TUBGCP5: variants seen among roughly 807,000 people sequenced by gnomAD.
TUBGCP5 encodes the protein gamma-tubulin complex component 5.
Under a neutral mutation model 134.7 loss-of-function variants are expected in TUBGCP5, and 98 were observed. The observed-to-expected ratio is 0.73, with a 90% CI of 0.62 to 0.86. The LOEUF is 0.86. TUBGCP5 is among the 40% of genes least tolerant of loss of function. The pLI, the probability that TUBGCP5 is intolerant of heterozygous loss-of-function variation, is 0.00. For synonymous variants in TUBGCP5, 456 were observed against 431.4 expected (o/e 1.06, Z -0.71); for missense variants, 1,150 against 1,244.8 (o/e 0.92, Z 1.15).
intron 19 of TUBGCP5, 121 bp from the exon 20 acceptor site, chr15:23,004,348 C>G: frequency 8.4e-7 from 1 of 1,183,658 alleles, no homozygotes; most frequent in South Asian, 1.5e-5. Flanking sequence ...ATAAGCACAT[C>G]TAGACAGTTT....
At chr15:23,031,824 G>T in intron 5 of TUBGCP5, 126 bp downstream of exon 5, 1 of 564,604 alleles carries the variant, frequency 1.8e-6, no homozygotes, top group South Asian at 3.8e-5. Context: ...CATAATAAAT[G>T]ACTCTAGCTT....
rs74686181 is a variant in TUBGCP5, at chr15:23,025,922, T to C, written c.827+194A>G. On this transcript the variant is annotated intron_variant, in intron 8 of 22. Coordinates refer to ENST00000615383, the MANE Select transcript of TUBGCP5 (RefSeq NM_052903.6). ...TAACCTAAGTAAATCATATGCTAAA[T>C]TATTTAAAATGAAAATGAAGTAATT... 1.9e-4 allele frequency among the ~76,000 whole-genome samples: 29 copies of C among 152,268 alleles called. No homozygotes were observed. In the East Asian group the frequency reaches 5.2e-3, roughly 27 times the overall value.
At chr15:22,990,412 G>A (rs551633638) in intron 23 of TUBGCP5, among the ~76,000 whole-genome samples, 58 of 152,310 alleles carry the variant, frequency 3.8e-4, no homozygotes, top group Middle Eastern at 3.4e-3. Flanking sequence ...AACTGGTCAC[G>A]TGCATTTGGG....
At chr15:23,039,091 C>A (rs2066763363) in intron 1 of TUBGCP5, among the ~76,000 whole-genome samples, 1 of 152,048 alleles carries the variant, frequency 6.6e-6, no homozygotes, top group East Asian at 1.9e-4. Flanking sequence ...GCCTGGAGTC[C>A]CGCCTGGGCC....
chr15:23,014,302 G>A lies in TUBGCP5; in HGVS notation c.1757-2971C>T, dbSNP rs185322687. On this transcript the variant is annotated intron_variant, in intron 13 of 22. Coordinates refer to ENST00000615383, the MANE Select transcript of TUBGCP5 (RefSeq NM_052903.6). The stretch of plus-strand genomic sequence containing the variant: ...AACAGTTTCAGAGGCTGCCCTGGCA[G>A]GCATGTACCTAGGCTTCTTGAGCGG... Among the ~76,000 whole-genome samples the A allele has an allele frequency of 8.5e-5, 13 of 152,328 alleles. No homozygotes were observed. In the East Asian group the frequency reaches 1.9e-3, roughly 23 times the overall value.
chr15:22,990,646 T>G (rs1484308445), intron 23 of TUBGCP5, among the ~76,000 whole-genome samples: 1 of 152,188 alleles, frequency 6.6e-6, no homozygotes, highest in Non-Finnish European at 1.5e-5. Flanking sequence ...AGAACTGTAA[T>G]AAATTTCTCC....
At chr15:23,031,158 T>A in intron 5 of TUBGCP5, 138 bp from the exon 6 acceptor site, 1 of 797,070 alleles carries the variant, frequency 1.3e-6, no homozygotes. Context: ...TTTTTTTTCC[T>A]AAATCTCTTG....
At position 23,003,260 on chromosome 15, in the gene TUBGCP5, T is replaced by G. The variant is rs528520972; in HGVS notation, c.2839-107A>C. On this transcript the variant is annotated intron_variant, in intron 20 of 22. Transcript: ENST00000615383. ...TCACAGAAAAAGTTCATCACCACAG[T>G]GACTGCCTTCTGTGTATATGGAAGG... 21 of 1,087,054 alleles carry G rather than the reference T, an allele frequency of 1.9e-5. No homozygotes were observed. In the African/African-American group the frequency reaches 3.1e-4, roughly 16 times the overall value. 67.3% of individuals were successfully genotyped at this position (1,087,054 alleles called of 1,614,324 possible).
intron 23 of TUBGCP5, among the ~76,000 whole-genome samples, chr15:22,989,023 A>G (rs1361089420): frequency 6.6e-6 from 1 of 152,004 alleles, no homozygotes; most frequent in South Asian, 2.1e-4. Flanking sequence ...CTCTGCCCTC[A>G]GGCTGCCCTG....
At chr15:23,034,670 C>A (rs574289144) in intron 3 of TUBGCP5, among the ~76,000 whole-genome samples, 192 of 151,994 alleles carry the variant, frequency 1.3e-3, no homozygotes, top group Non-Finnish European at 2.2e-3. Flanking sequence ...ACTACCCTGG[C>A]CAACATGGCG....
intron 11 of TUBGCP5, among the ~76,000 whole-genome samples, chr15:23,019,627 T>G (rs2065549157): frequency 6.6e-6 from 1 of 151,260 alleles, no homozygotes; most frequent in African/African-American, 2.4e-5. Flanking sequence ...TGAAACCCCC[T>G]CTCTACTAAA....
At chr15:23,027,994 A>G (rs185882016) in intron 6 of TUBGCP5, among the ~76,000 whole-genome samples, 1 of 152,322 alleles carries the variant, frequency 6.6e-6, no homozygotes, top group East Asian at 1.9e-4. Flanking sequence ...TATCTTATAC[A>G]AGTTGTTTGA....
intron 23 of TUBGCP5, among the ~76,000 whole-genome samples, chr15:22,984,637 A>AT (rs2063629585): frequency 2.0e-5 from 3 of 152,090 alleles, no homozygotes; most frequent in Admixed American, 6.6e-5. Flanking sequence ...AATAAAAGAA[A>AT]CTTTTTTTAA....
intron 12 of TUBGCP5, among the ~76,000 whole-genome samples, chr15:23,018,919 A>T: frequency 6.6e-6 from 1 of 152,300 alleles, no homozygotes; most frequent in Non-Finnish European, 1.5e-5. Flanking sequence ...ATATCATCTA[A>T]ACTCATTTTA....
intron 22 of TUBGCP5, chr15:23,000,310 C>G (rs557406590): frequency 3.9e-6 from 5 of 1,273,930 alleles, no homozygotes; most frequent in Non-Finnish European, 4.9e-6. Context: ...TCTATTCTGC[C>G]ATCAACTTTA....
intron 16 of TUBGCP5, among the ~76,000 whole-genome samples, chr15:23,006,954 G>C (rs1177314665): frequency 3.3e-5 from 5 of 152,170 alleles, no homozygotes; most frequent in African/African-American, 9.7e-5. Context: ...AGTGGTTCCT[G>C]AGAAATGATG....
intron 6 of TUBGCP5, among the ~76,000 whole-genome samples, chr15:23,028,385 A>G (rs2066102677): frequency 6.6e-6 from 1 of 151,204 alleles, no homozygotes; most frequent in Non-Finnish European, 1.5e-5. Flanking sequence ...GTCTTAAAAA[A>G]AAAAAAAAAA....
At chr15:22,993,387 C>T (rs184225971) in intron 23 of TUBGCP5, among the ~76,000 whole-genome samples, 369 of 149,928 alleles carry the variant, frequency 2.5e-3, no homozygotes, top group Middle Eastern at 7.2e-3. Context: ...TGTGAGCCAC[C>T]GCGCCCAGCT....
chr15:23,005,787 G>A (rs1196390548), intron 18 of TUBGCP5, 177 bp from the exon 19 acceptor site: 2 of 712,058 alleles, frequency 2.8e-6, no homozygotes, highest in African/African-American at 1.8e-5. Flanking sequence ...AAAGTTTCCT[G>A]TATCACTTTT....
Sources: gnomAD v4.1 joint callset for allele counts (sites outside exome capture counted in the v4.1 genomes callset) on GRCh38, gnomAD v4.1.1 for gene constraint, MANE v1.5 for transcripts, NCBI Gene and HGNC (gene_info 2026-07-23, HGNC 2026-07-21) for gene names.